The following PDE7B variants were observed in gnomAD, a reference collection of about 807,000 sequenced individuals.
PDE7B encodes the protein phosphodiesterase 7B.
Under a neutral mutation model 56.2 loss-of-function variants are expected in PDE7B, and 29 were observed. The observed-to-expected ratio is 0.52, with a 90% CI of 0.38 to 0.70. The LOEUF is 0.70. Among genes scored for constraint, PDE7B ranks in the 30% least tolerant of loss-of-function variants. PDE7B has a pLI of 0.00. For synonymous variants in PDE7B, 197 were observed against 196.9 expected (o/e 1.00, Z 0.00); for missense variants, 490 against 565.0 (o/e 0.87, Z 1.35).
chr6:136,088,002 G>A (rs11961448), intron 2 of PDE7B, among the ~76,000 whole-genome samples: 9,114 of 152,216 alleles, frequency 0.06, 889 homozygotes, highest in African/African-American at 0.2. Context: ...TCTAAATCAC[G>A]TAAGGAAGAG....
chr6:136,100,795 C>T (rs1777548590), intron 2 of PDE7B, among the ~76,000 whole-genome samples: 1 of 152,156 alleles, frequency 6.6e-6, no homozygotes, highest in Admixed American at 6.5e-5. Flanking sequence ...CCAGAACTTC[C>T]AATACTATAT....
At chr6:135,920,954 T>C (rs368205326) in intron 1 of PDE7B, among the ~76,000 whole-genome samples, 39 of 152,296 alleles carry the variant, frequency 2.6e-4, no homozygotes, top group South Asian at 2.3e-3. Flanking sequence ...TAGTGGCCAC[T>C]GGTGAATTCT....
intron 8 of PDE7B, among the ~76,000 whole-genome samples, chr6:136,156,330 C>G (rs1778604708): frequency 6.6e-6 from 1 of 152,128 alleles, no homozygotes; most frequent in Non-Finnish European, 1.5e-5. Context: ...GCTCAGACTA[C>G]AGGCACGTGC....
chr6:136,031,076 C>G (rs1222702985), intron 2 of PDE7B, among the ~76,000 whole-genome samples: 3 of 152,208 alleles, frequency 2.0e-5, no homozygotes, highest in Non-Finnish European at 4.4e-5. Context: ...TTGCTTCTTT[C>G]CATTGAGAGT....
At chr6:136,110,224 G>A (rs1156452282) in intron 3 of PDE7B, among the ~76,000 whole-genome samples, 1 of 152,100 alleles carries the variant, frequency 6.6e-6, no homozygotes, top group Non-Finnish European at 1.5e-5. Context: ...ACCGAATTGA[G>A]CCATTAGACC....
chr6:135,941,285 T>C (rs899832598), intron 1 of PDE7B, among the ~76,000 whole-genome samples: 1 of 152,222 alleles, frequency 6.6e-6, no homozygotes, highest in African/African-American at 2.4e-5. Context: ...ACTCTAGTCA[T>C]ATGTCAGGGG....
At chr6:136,099,748 CT>C (rs1777530401) in intron 2 of PDE7B, among the ~76,000 whole-genome samples, 1 of 152,120 alleles carries the variant, frequency 6.6e-6, no homozygotes, top group Non-Finnish European at 1.5e-5. Context: ...ATGATAGTTT[CT>C]TTTGCTGTGC....
At chr6:135,889,509 C>T (rs1338941164) in intron 1 of PDE7B, among the ~76,000 whole-genome samples, 16 of 142,534 alleles carry the variant, frequency 1.1e-4, no homozygotes, top group South Asian at 4.5e-4. Flanking sequence ...GACGCAATCT[C>T]GGCTCACTGT....
Position 136,108,749 on chromosome 6 carries a change from G to C in PDE7B, c.101G>C (p.Gly34Ala). The C allele has an allele frequency of 1.2e-6, 2 of 1,610,244 alleles. No homozygotes were observed. The highest frequency in any genetic ancestry group is 1.7e-6 in the Non-Finnish European group (2 of 1,176,538). ...VCMLGDIRLRGQTGVRAERRG... is the reference protein window; with the variant it reads ...VCMLGDIRLRAQTGVRAERRG... ...TTTCTAGGAGATATACGACTAAGGG[G>C]TCAGACGGGGGTTCGTGCTGAACGC... Residue 34 changes from glycine to alanine, a missense_variant, in exon 3 of 13, where the codon GGT becomes GCT. Gly to Ala is a moderately conservative substitution (Grantham distance 60). Coordinates refer to ENST00000308191, the MANE Select transcript of PDE7B (RefSeq NM_018945.4).
chr6:135,887,327 C>T (rs1174159235), intron 1 of PDE7B, among the ~76,000 whole-genome samples: 1 of 152,072 alleles, frequency 6.6e-6, no homozygotes, highest in African/African-American at 2.4e-5. Context: ...TGTGCAAGAC[C>T]TTTTGTTAGA....
chr6:136,155,714 C>G lies in PDE7B; in HGVS notation c.667C>G (p.Pro223Ala). Reference sequence around the variant, plus strand: ...TGTGGACCACCCAGGGGTGAACCAGCCATTTTTGATAAAAACTAACCACCA... The same window carrying G: ...TGTGGACCACCCAGGGGTGAACCAGGCATTTTTGATAAAAACTAACCACCA... ...HDVDHPGVNQ[P>A]FLIKTNHHLA... Residue 223 changes from proline (P) to alanine (A), a missense_variant, in exon 8 of 13, where the codon CCA (proline) becomes GCA (alanine). Coordinates refer to ENST00000308191, the MANE Select transcript of PDE7B (RefSeq NM_018945.4). 1 of 1,614,044 alleles carries G rather than the reference C, an allele frequency of 6.2e-7. No individual in the cohort carries two copies. The highest frequency in any genetic ancestry group is 8.5e-7 in the Non-Finnish European group (1 of 1,179,930).
intron 2 of PDE7B, among the ~76,000 whole-genome samples, chr6:136,002,006 C>G (rs2128206178): frequency 6.6e-6 from 1 of 152,278 alleles, no homozygotes; most frequent in East Asian, 1.9e-4. Flanking sequence ...GATCTCTCGG[C>G]AGAAACTCTA....
intron 1 of PDE7B, among the ~76,000 whole-genome samples, chr6:135,860,720 A>G (rs2128184502): frequency 6.6e-6 from 1 of 152,198 alleles, no homozygotes; most frequent in East Asian, 1.9e-4. Context: ...ATGAAAGAGT[A>G]AAACTTAATG....
intron 2 of PDE7B, among the ~76,000 whole-genome samples, chr6:136,009,869 G>A (rs996106491): frequency 1.7e-4 from 26 of 151,916 alleles, no homozygotes; most frequent in African/African-American, 6.0e-4. Context: ...TCTAGCTAGC[G>A]GCCTATCATT....
At chr6:135,949,436 A>G (rs1277327221) in intron 2 of PDE7B, among the ~76,000 whole-genome samples, 1 of 152,074 alleles carries the variant, frequency 6.6e-6, no homozygotes, top group East Asian at 1.9e-4. Flanking sequence ...CTGACCGCCA[A>G]ATATGTCTCT....
At chr6:136,108,901 C>A (rs567736901) in intron 3 of PDE7B, 87 bp downstream of exon 3, 2 of 854,138 alleles carry the variant, frequency 2.3e-6, no homozygotes, top group African/African-American at 3.3e-5. Context: ...AACTTCGAAA[C>A]CTTCTGGGGT....
chr6:136,184,570 G>C (rs1779116309), intron 11 of PDE7B, among the ~76,000 whole-genome samples: 1 of 152,162 alleles, frequency 6.6e-6, no homozygotes, highest in Non-Finnish European at 1.5e-5. Flanking sequence ...GAGAGCGCTG[G>C]TCTAGATAGA....
At chr6:135,975,836 T>C (rs1441030935) in intron 2 of PDE7B, among the ~76,000 whole-genome samples, 4 of 152,084 alleles carry the variant, frequency 2.6e-5, no homozygotes, top group Non-Finnish European at 5.9e-5. Context: ...CAGTCAGGAC[T>C]GGGACAGTTG....
At chr6:135,883,984 G>T (rs1236353575) in intron 1 of PDE7B, among the ~76,000 whole-genome samples, 1 of 152,100 alleles carries the variant, frequency 6.6e-6, no homozygotes, top group East Asian at 1.9e-4. Context: ...TTTTGCGTTT[G>T]GTAGGAAGGA....
Sources: gnomAD v4.1 joint callset for allele counts (sites outside exome capture counted in the v4.1 genomes callset) on GRCh38, gnomAD v4.1.1 for gene constraint, MANE v1.5 for transcripts, NCBI Gene and HGNC (gene_info 2026-07-23, HGNC 2026-07-21) for gene names.